Variants in SLC35F3 observed in about 807,000 individuals in gnomAD.
SLC35F3 encodes the protein solute carrier family 35 member F3.
A neutral mutation model predicts 49.9 loss-of-function variants in SLC35F3; 25 were observed. That is an observed-to-expected ratio of 0.50 (90% CI 0.37 to 0.70). The LOEUF (loss-of-function observed/expected upper bound fraction) is 0.70. SLC35F3 is among the 30% of genes least tolerant of loss of function. SLC35F3 has a pLI of 0.00. For missense variants in SLC35F3, 525 were observed against 639.8 expected (o/e 0.82, Z 1.94); for synonymous variants, 275 against 265.4 (o/e 1.04, Z -0.35).
chr1:234,198,560 T>C (rs1006860844), intron 2 of SLC35F3, among the ~76,000 whole-genome samples: 4 of 152,166 alleles, frequency 2.6e-5, no homozygotes, highest in African/African-American at 9.7e-5. Flanking sequence ...TATTGTCTGC[T>C]TTTTTTATTC....
chr1:234,186,171 G>A (rs568394469), intron 2 of SLC35F3, among the ~76,000 whole-genome samples: 4 of 152,326 alleles, frequency 2.6e-5, no homozygotes, highest in African/African-American at 7.2e-5. Context: ...GATTGACTAA[G>A]CAGTCTCATT....
chr1:234,073,262 GC>G (rs1411791237), intron 2 of SLC35F3, among the ~76,000 whole-genome samples: 2 of 152,012 alleles, frequency 1.3e-5, no homozygotes, highest in Non-Finnish European at 2.9e-5. Flanking sequence ...TCCCACCTCA[GC>G]TTCCCATGTA....
chr1:234,152,309 C>T lies in SLC35F3; in HGVS notation c.284-79108C>T, dbSNP rs181170209. Among the ~76,000 whole-genome samples, 795 of 151,678 alleles carry T rather than the reference C, an allele frequency of 5.2e-3. 10 individuals are homozygous for T. The highest frequency in any genetic ancestry group is 0.018 in the African/African-American group (758 of 41,330). ...TGCAGGTTTGTTACATAGGAATACA[C>T]GTGCCATGGTGGTTTGCTGCACTCA... On this transcript the variant is annotated intron_variant, in intron 2 of 7. Coordinates refer to ENST00000366618, the MANE Select transcript of SLC35F3 (RefSeq NM_173508.4).
intron 2 of SLC35F3, among the ~76,000 whole-genome samples, chr1:234,184,150 A>AG (rs58422035): frequency 6.6e-6 from 1 of 151,884 alleles, no homozygotes; most frequent in Non-Finnish European, 1.5e-5. Context: ...AAAAAAAAAA[A>AG]CAAAAAACCT....
At chr1:234,139,419 A>T (rs571537782) in intron 2 of SLC35F3, among the ~76,000 whole-genome samples, 1 of 152,214 alleles carries the variant, frequency 6.6e-6, no homozygotes, top group Non-Finnish European at 1.5e-5. Context: ...TCCCAAAAAG[A>T]TAGACACATT....
chr1:234,171,958 C>T (rs924961469), intron 2 of SLC35F3, among the ~76,000 whole-genome samples: 2 of 152,116 alleles, frequency 1.3e-5, no homozygotes, highest in African/African-American at 4.8e-5. Flanking sequence ...CCTCACCCCC[C>T]ACCGCCCTAC....
chr1:234,118,940 AC>A (rs1451065596), intron 2 of SLC35F3, among the ~76,000 whole-genome samples: 13 of 150,208 alleles, frequency 8.7e-5, no homozygotes, highest in African/African-American at 3.2e-4. Flanking sequence ...AGAGTAAGGT[AC>A]TAAAAATGGA....
chr1:234,204,266 C>A (rs1011287170), intron 2 of SLC35F3, among the ~76,000 whole-genome samples: 3 of 151,906 alleles, frequency 2.0e-5, no homozygotes, highest in Non-Finnish European at 2.9e-5. Context: ...ATATTATCAA[C>A]CTTCTAAAAA....
chr1:234,083,496 A>G (rs1055224858), intron 2 of SLC35F3, among the ~76,000 whole-genome samples: 2 of 152,146 alleles, frequency 1.3e-5, no homozygotes, highest in Non-Finnish European at 2.9e-5. Context: ...ATCATACACA[A>G]TCTCTGCACA....
chr1:234,300,157 A>ATGC (rs1359434174), intron 3 of SLC35F3, among the ~76,000 whole-genome samples: 1 of 152,242 alleles, frequency 6.6e-6, no homozygotes, highest in Non-Finnish European at 1.5e-5. Context: ...TGAACTATAA[A>ATGC]TGCCAGGTAA....
intron 2 of SLC35F3, among the ~76,000 whole-genome samples, chr1:234,208,724 T>C (rs1667009637): frequency 6.6e-6 from 1 of 152,180 alleles, no homozygotes; most frequent in South Asian, 2.1e-4. Flanking sequence ...CACTTCTATA[T>C]CTACCCAGCA....
At chr1:234,120,551 C>T (rs1182283022) in intron 2 of SLC35F3, among the ~76,000 whole-genome samples, 1 of 152,220 alleles carries the variant, frequency 6.6e-6, no homozygotes, top group Non-Finnish European at 1.5e-5. Flanking sequence ...AGGCACAAAG[C>T]TGTTGTTGCC....
intron 2 of SLC35F3, among the ~76,000 whole-genome samples, chr1:234,157,036 T>C (rs1295678934): frequency 6.6e-6 from 1 of 152,206 alleles, no homozygotes; most frequent in Non-Finnish European, 1.5e-5. Context: ...TAAAATTTAT[T>C]ACGGTGGTGA....
intron 2 of SLC35F3, among the ~76,000 whole-genome samples, chr1:234,093,029 G>A (rs973473005): frequency 5.9e-5 from 9 of 152,172 alleles, no homozygotes; most frequent in South Asian, 2.1e-4. Context: ...GAAGTCTGAC[G>A]TCTTGGCTTG....
At chr1:234,196,360 G>T (rs1251706829) in intron 2 of SLC35F3, among the ~76,000 whole-genome samples, 1 of 152,204 alleles carries the variant, frequency 6.6e-6, no homozygotes, top group Non-Finnish European at 1.5e-5. Context: ...CTGCCTGTGG[G>T]GTAGCCCTGC....
intron 2 of SLC35F3, among the ~76,000 whole-genome samples, chr1:234,003,517 A>G (rs1663583735): frequency 6.6e-6 from 1 of 152,242 alleles, no homozygotes; most frequent in Admixed American, 6.5e-5. Context: ...AATAAGTTAA[A>G]ATCCAAACAT....
At chr1:234,234,440 C>T (rs531107667) in intron 3 of SLC35F3, among the ~76,000 whole-genome samples, 3 of 152,174 alleles carry the variant, frequency 2.0e-5, no homozygotes, top group Non-Finnish European at 4.4e-5. Context: ...CTGTGAGGCT[C>T]CCTGGGGTCT....
chr1:233,958,362 C>T (rs1406792058), intron 2 of SLC35F3, among the ~76,000 whole-genome samples: 2 of 152,222 alleles, frequency 1.3e-5, no homozygotes, highest in Non-Finnish European at 2.9e-5. Flanking sequence ...GCCTTTCTCA[C>T]TCTTTTTCCT....
At chr1:234,212,363 T>C (rs1421605226) in intron 2 of SLC35F3, among the ~76,000 whole-genome samples, 1 of 152,248 alleles carries the variant, frequency 6.6e-6, no homozygotes, top group African/African-American at 2.4e-5. Flanking sequence ...TCATGTATCA[T>C]ATATCAAAAC....
Sources: allele counts gnomAD v4.1 joint callset (sites outside exome capture counted in the v4.1 genomes callset), GRCh38; gene constraint gnomAD v4.1.1; transcripts MANE v1.5; gene names NCBI Gene and HGNC (gene_info 2026-07-23, HGNC 2026-07-21).